PLXNA2: variants seen among roughly 807,000 people sequenced by gnomAD.
PLXNA2 encodes plexin-A2.
PLXNA2 carries 91 observed loss-of-function variants against 193.5 expected under a neutral mutation model. That is an observed-to-expected ratio of 0.47 (90% CI 0.40 to 0.56). The LOEUF (loss-of-function observed/expected upper bound fraction) is 0.56, where lower values mean the gene tolerates loss of function less well. Ranked by LOEUF, PLXNA2 falls within the 20% of genes least tolerant of loss-of-function variation. The pLI, the probability that PLXNA2 is intolerant of heterozygous loss-of-function variation, is 0.00. For missense variants in PLXNA2, 1,995 were observed against 2,503.2 expected, an observed-to-expected ratio of 0.80 and a Z score of 4.33; for synonymous variants, 997 against 1,027.3, an observed-to-expected ratio of 0.97 and a Z score of 0.56.
At chr1:208,145,411 C>T (rs1368204891) in intron 3 of PLXNA2, among the ~76,000 whole-genome samples, 1 of 152,228 alleles carries the variant, frequency 6.6e-6, no homozygotes. Context: ...TCTCCTGCCC[C>T]AGAAGGCCAG....
At position 208,031,768 on chromosome 1, in the gene PLXNA2, G is replaced by A; in HGVS notation, c.5056-9C>T. The A allele has an allele frequency of 6.3e-7, 1 of 1,591,630 alleles. No homozygotes were observed. The highest frequency in any genetic ancestry group is 8.6e-7 in the Non-Finnish European group (1 of 1,165,638). On this transcript the variant is annotated splice_polypyrimidine_tract_variant and intron_variant, in intron 28 of 31. Transcript: ENST00000367033. ...AACTTCTGCAGGGTGCCCTGGAGGAGGGGTGGGGGAGAGTAAGATGGAGGG... is the reference window on the plus strand; with the variant it reads ...AACTTCTGCAGGGTGCCCTGGAGGAAGGGTGGGGGAGAGTAAGATGGAGGG...
At chr1:208,090,895 G>T (rs1347907208) in intron 9 of PLXNA2, among the ~76,000 whole-genome samples, 1 of 152,174 alleles carries the variant, frequency 6.6e-6, no homozygotes, top group East Asian at 1.9e-4. Flanking sequence ...TTCCTGGCTA[G>T]GTCTGCCCCT....
At chr1:208,077,118 C>T (rs899745061) in intron 12 of PLXNA2, among the ~76,000 whole-genome samples, 5 of 152,068 alleles carry the variant, frequency 3.3e-5, no homozygotes, top group African/African-American at 1.2e-4. Context: ...ATACAACATT[C>T]CAGGCCTGGA....
chr1:208,162,596 C>G (rs1438120112), intron 3 of PLXNA2, among the ~76,000 whole-genome samples: 1 of 152,142 alleles, frequency 6.6e-6, no homozygotes. Context: ...TTCTTGATCT[C>G]CAGGAGTTCA....
intron 13 of PLXNA2, among the ~76,000 whole-genome samples, chr1:208,056,496 A>G (rs1338933379): frequency 6.6e-6 from 1 of 152,226 alleles, no homozygotes; most frequent in Non-Finnish European, 1.5e-5. Flanking sequence ...TGTGTAGGAA[A>G]GGAGAAGGCC....
chr1:208,238,311 C>A (rs1397852078), intron 1 of PLXNA2, among the ~76,000 whole-genome samples: 1 of 152,186 alleles, frequency 6.6e-6, no homozygotes, highest in Non-Finnish European at 1.5e-5. Context: ...TATCTTTCAC[C>A]CTCAAAGTAA....
chr1:208,052,270 T>G (rs978355129), intron 15 of PLXNA2, 57 bp downstream of exon 15: 8 of 1,574,110 alleles, frequency 5.1e-6, no homozygotes, highest in African/African-American at 1.3e-5. Context: ...CAGTAACATG[T>G]GAACAGCACA....
At chr1:208,094,051 C>A (rs1246353974) in intron 8 of PLXNA2, among the ~76,000 whole-genome samples, 1 of 152,226 alleles carries the variant, frequency 6.6e-6, no homozygotes. Flanking sequence ...TACACTTCAT[C>A]TTCCCATTCA....
chr1:208,171,061 G>GTA lies in PLXNA2; in HGVS notation c.1372-28600_1372-28599dup, dbSNP rs370239965. ...TTCCCAATGCAGGCTGTAACGAGTG[G>GTA]TAACATCTCATGATGGGCTCCAATC... On this transcript the variant is annotated intron_variant, in intron 3 of 31. Transcript: ENST00000367033. Among the ~76,000 whole-genome samples the GTA allele has an allele frequency of 6.7e-3, 1,027 of 152,318 alleles. 14 individuals carry two copies. The highest frequency in any genetic ancestry group is 0.023 in the African/African-American group (949 of 41,566).
At chr1:208,045,312 CA>C in intron 18 of PLXNA2, 102 bp from the exon 19 acceptor site, 9 of 1,241,158 alleles carry the variant, frequency 7.3e-6, no homozygotes, top group East Asian at 4.7e-5. Flanking sequence ...GGCAGCAGTG[CA>C]AAAACCAGGA....
chr1:208,202,844 A>G (rs919145941), intron 3 of PLXNA2, among the ~76,000 whole-genome samples: 1 of 152,168 alleles, frequency 6.6e-6, no homozygotes, highest in African/African-American at 2.4e-5. Flanking sequence ...CAACCTTAAG[A>G]CTGCAAAACA....
rs1664409130 is a variant in PLXNA2 at position 208,028,622 on chromosome 1, A to G, written c.5438+208T>C. On this transcript the variant is annotated intron_variant, in intron 30 of 31. Transcript: ENST00000367033. This position sits in a 1 kb window ranked among gnomAD's most constrained non-coding sequence, Gnocchi z 4.2. The stretch of plus-strand genomic sequence containing the variant: ...ATGCTGAATGCTTAGCACATGCTCA[A>G]TGAATAGTAATTAGGATGATAATCA... 1.3e-5 allele frequency among the ~76,000 whole-genome samples: 2 copies of G among 152,234 alleles called. No individual in the cohort carries two copies. The highest frequency in any genetic ancestry group is 2.9e-5 in the Non-Finnish European group (2 of 68,046).
intron 3 of PLXNA2, among the ~76,000 whole-genome samples, chr1:208,177,818 G>A (rs1421439446): frequency 6.6e-6 from 1 of 152,250 alleles, no homozygotes; most frequent in African/African-American, 2.4e-5. Context: ...CAGTGCTAAT[G>A]AATCAGAAAC....
At chr1:208,214,882 C>A (rs1056004526) in intron 2 of PLXNA2, among the ~76,000 whole-genome samples, 18 of 152,142 alleles carry the variant, frequency 1.2e-4, no homozygotes, top group African/African-American at 3.9e-4. Context: ...GAATTTGAAG[C>A]CTGGCTTTTG....
At chr1:208,131,144 C>A (rs1387697575) in intron 4 of PLXNA2, among the ~76,000 whole-genome samples, 2 of 152,202 alleles carry the variant, frequency 1.3e-5, no homozygotes, top group African/African-American at 4.8e-5. Context: ...ACAGAGGGAC[C>A]TTGCCAAGTC....
At chr1:208,083,391 C>T (rs1227158679) in intron 10 of PLXNA2, among the ~76,000 whole-genome samples, 1 of 152,164 alleles carries the variant, frequency 6.6e-6, no homozygotes, top group Non-Finnish European at 1.5e-5. Flanking sequence ...ATCTTCCCGA[C>T]CCCCCACTCT....
At position 208,243,702 on chromosome 1, in the gene PLXNA2, G is replaced by A. The variant is rs1558263699; in HGVS notation, c.-140C>T. On this transcript the variant is annotated 5_prime_UTR_variant, in exon 1 of 32. Coordinates refer to ENST00000367033, the MANE Select transcript of PLXNA2 (RefSeq NM_025179.4). ...CGCTCGGTCTACCTCGGCCGCCGCC[G>A]GCTGCTGAGGGCGGCGCGAGGCCCC... 6.6e-6 allele frequency: 1 copy of A among 152,226 alleles called. No individual in the cohort carries two copies. 9.4% of individuals were successfully genotyped at this position (152,226 alleles called of 1,614,324 possible).
intron 3 of PLXNA2, among the ~76,000 whole-genome samples, chr1:208,180,538 G>A (rs1669807780): frequency 6.6e-6 from 1 of 152,124 alleles, no homozygotes; most frequent in Non-Finnish European, 1.5e-5. Context: ...AAGAGCTCAT[G>A]CTTAACTTTC....
intron 4 of PLXNA2, among the ~76,000 whole-genome samples, chr1:208,119,374 C>T (rs568769090): frequency 1.6e-4 from 25 of 152,316 alleles, no homozygotes; most frequent in Admixed American, 5.2e-4. Context: ...ATGCTCTGTC[C>T]GCAAACAGGC....
Sources: gnomAD v4.1 joint callset for allele counts (sites outside exome capture counted in the v4.1 genomes callset) on GRCh38, gnomAD v4.1.1 for gene constraint, Gnocchi (gnomAD v3.1) non-coding constraint, MANE v1.5 for transcripts, NCBI Gene and HGNC (gene_info 2026-07-23, HGNC 2026-07-21) for gene names.